MAN1A1: variants seen among roughly 807,000 people sequenced by gnomAD.
The protein encoded by MAN1A1 is mannosyl-oligosaccharide 1,2-alpha-mannosidase IA.
Under a neutral mutation model 70.8 loss-of-function variants are expected in MAN1A1, and 29 were observed. The observed-to-expected ratio is 0.41, with a 90% CI of 0.31 to 0.56. MAN1A1 has a LOEUF of 0.56. Ranked by LOEUF, MAN1A1 falls within the 20% of genes least tolerant of loss-of-function variation. MAN1A1 has a pLI of 0.29. For missense variants in MAN1A1, 747 were observed against 841.3 expected (o/e 0.89, Z 1.39); for synonymous variants, 349 against 330.1 (o/e 1.06, Z -0.62).
In MAN1A1 at chr6:119,348,795, C is replaced by G. The variant is rs1342238133; in HGVS notation, c.271G>C (p.Gly91Arg). ...TCGGCCGCGTCCTCGGCGCGCGCCCCGGGCCCGGGCTTGTGGTCGGCGGCC... is the reference window on the plus strand; with the variant it reads ...TCGGCCGCGTCCTCGGCGCGCGCCCGGGGCCCGGGCTTGTGGTCGGCGGCC... ...QPAADHKPGP[G>R]ARAEDAAEGR... The change falls in exon 2 of 13, where the codon GGG (glycine) becomes CGG (arginine). Residue 91 changes from glycine (G) to arginine (R), a missense_variant. Coordinates refer to ENST00000368468, the MANE Select transcript of MAN1A1 (RefSeq NM_005907.4). 5.6e-6 allele frequency: 8 copies of G among 1,423,178 alleles called. No homozygotes were observed. Among genetic ancestry groups the G allele is most frequent in the African/African-American group, 3.0e-5 (2 of 67,488 alleles). The allele number at this position is 1,423,178 out of a possible 1,614,324, so 88.2% of individuals were successfully genotyped here.
chr6:119,320,108 G>A (rs1772966626), intron 2 of MAN1A1, among the ~76,000 whole-genome samples: 2 of 152,024 alleles, frequency 1.3e-5, no homozygotes, highest in Non-Finnish European at 2.9e-5. Flanking sequence ...CAAGTGGCTG[G>A]GACTACAGGC....
At position 119,184,728 on chromosome 6, in the gene MAN1A1, C is replaced by A. The variant is rs569271422; in HGVS notation, c.1719+3677G>T. On this transcript the variant is annotated intron_variant, in intron 11 of 12. Transcript: ENST00000368468. ...CTACCAAAAAAAAACCCCCTAAAGC[C>A]AAAAAAAAATCCCAAATCCCTAGGT... 1.0e-4 allele frequency among the ~76,000 whole-genome samples: 15 copies of A among 150,470 alleles called. No homozygotes were observed. In the East Asian group the frequency reaches 1.6e-3, roughly 16 times the overall value.
intron 4 of MAN1A1, among the ~76,000 whole-genome samples, chr6:119,298,895 C>T (rs1312608044): frequency 1.3e-5 from 2 of 151,990 alleles, no homozygotes; most frequent in East Asian, 3.9e-4. Flanking sequence ...TGCGCCTGGC[C>T]AACTTTTTAA....
At chr6:119,218,125 G>C (rs1281481849) in intron 6 of MAN1A1, among the ~76,000 whole-genome samples, 1 of 152,134 alleles carries the variant, frequency 6.6e-6, no homozygotes, top group East Asian at 1.9e-4. Context: ...TATACATTAA[G>C]AAAACTTGCC....
At chr6:119,330,092 G>A (rs1773268693) in intron 2 of MAN1A1, among the ~76,000 whole-genome samples, 1 of 152,124 alleles carries the variant, frequency 6.6e-6, no homozygotes, top group Admixed American at 6.6e-5. Context: ...TGTTCCTTGG[G>A]CTTCTAAGCC....
Position 119,347,318 on chromosome 6 carries a change from TG to T in MAN1A1, c.603+1144del, listed in dbSNP as rs769350158. Among the ~76,000 whole-genome samples, 116 of 152,328 alleles carry T rather than the reference TG, an allele frequency of 7.6e-4. 1 individual carries two copies. The highest frequency in any genetic ancestry group is 1.1e-3 in the Non-Finnish European group (72 of 68,024). ...CAAAAATCTGTTTACTCTCTGAAAA[TG>T]GGATCAGGGACTTCCTCTCCTGATT... is the stretch of plus-strand genomic sequence containing the variant. On this transcript the variant is annotated intron_variant, in intron 2 of 12. Coordinates refer to ENST00000368468, the MANE Select transcript of MAN1A1 (RefSeq NM_005907.4).
intron 2 of MAN1A1, among the ~76,000 whole-genome samples, chr6:119,321,617 AT>A (rs386359347): frequency 1.2e-3 from 161 of 133,268 alleles, no homozygotes; most frequent in East Asian, 4.5e-3. Flanking sequence ...ATGGCCTGCA[AT>A]TTTTTTTTTT....
At chr6:119,332,012 T>C (rs775476158) in intron 2 of MAN1A1, 11 of 495,016 alleles carry the variant, frequency 2.2e-5, no homozygotes, top group African/African-American at 1.9e-4. Flanking sequence ...TTCCTATGTA[T>C]AAAATGAGGA....
At chr6:119,182,196 G>A (rs762661030) in intron 11 of MAN1A1, among the ~76,000 whole-genome samples, 1 of 152,020 alleles carries the variant, frequency 6.6e-6, no homozygotes, top group Non-Finnish European at 1.5e-5. Context: ...GTCTCTTCAG[G>A]TCCTTTGCCT....
At chr6:119,308,459 C>G (rs195093) in intron 2 of MAN1A1, among the ~76,000 whole-genome samples, 28,198 of 151,932 alleles carry the variant, frequency 0.19, 2,930 homozygotes, top group Middle Eastern at 0.31. Context: ...ATCCCTACAA[C>G]GCCACTGATG....
In MAN1A1 at chr6:119,276,942, A is replaced by G. The variant is rs12665223; in HGVS notation, c.897+13741T>C. ...AATGAAAAACAAAAGTGTTTAGAAT[A>G]AAGAGCCACGAAAAAAATTCTTCTG... On this transcript the variant is annotated intron_variant, in intron 5 of 12. Transcript: ENST00000368468. 9.2e-3 allele frequency among the ~76,000 whole-genome samples: 1,395 copies of G among 152,332 alleles called. 40 individuals are homozygous for G. The highest frequency in any genetic ancestry group is 0.031 in the East Asian group (159 of 5,190).
chr6:119,198,311 G>A (rs11752568), intron 8 of MAN1A1, among the ~76,000 whole-genome samples: 35,349 of 152,078 alleles, frequency 0.23, 5,424 homozygotes, highest in Non-Finnish European at 0.33. Flanking sequence ...AATTGCTTGA[G>A]CATGGGACAG....
intron 6 of MAN1A1, 92 bp downstream of exon 6, chr6:119,248,163 GTATCA>G: frequency 3.8e-6 from 3 of 779,876 alleles, no homozygotes; most frequent in South Asian, 3.6e-5. Flanking sequence ...TTAGTCACCA[GTATCA>G]TATAAGTAAT....
At chr6:119,202,805 T>C (rs763370787) in intron 7 of MAN1A1, among the ~76,000 whole-genome samples, 2 of 152,218 alleles carry the variant, frequency 1.3e-5, no homozygotes, top group Non-Finnish European at 1.5e-5. Context: ...CAGGAGATGA[T>C]AAATACTGTG....
At chr6:119,186,515 C>T (rs532856145) in intron 11 of MAN1A1, among the ~76,000 whole-genome samples, 1 of 152,296 alleles carries the variant, frequency 6.6e-6, no homozygotes, top group South Asian at 2.1e-4. Context: ...AACCATGTAG[C>T]ATGCATTCCA....
Position 119,189,719 on chromosome 6 carries a change from G to A in MAN1A1, c.1491C>T (p.Tyr497=). 6.2e-7 allele frequency: 1 copy of A among 1,614,012 alleles called. No homozygotes were observed. Among genetic ancestry groups the A allele is most frequent in the Non-Finnish European group, 8.5e-7 (1 of 1,180,000 alleles). The change falls in exon 10 of 13, where the codon TAC becomes TAT. Residue 497 remains tyrosine, a synonymous_variant. Transcript: ENST00000368468. ...DAAPEGMAQH[Y]LELGAEIART... ...GGGCAATTTCAGCCCCGAGTTCAAG[G>A]TAGTGTTGGGCCATGCCTTCGGGAG...
intron 3 of MAN1A1, among the ~76,000 whole-genome samples, chr6:119,303,899 C>T (rs1051863624): frequency 6.6e-6 from 1 of 152,196 alleles, no homozygotes; most frequent in African/African-American, 2.4e-5. Context: ...AGTAAGCCTG[C>T]CACTCCTAGC....
intron 8 of MAN1A1, among the ~76,000 whole-genome samples, chr6:119,195,628 C>T (rs771226915): frequency 1.3e-5 from 2 of 152,188 alleles, no homozygotes; most frequent in African/African-American, 2.4e-5. Context: ...AGAGACCAGA[C>T]CTATTATGTT....
intron 6 of MAN1A1, among the ~76,000 whole-genome samples, chr6:119,205,858 C>T (rs1773845289): frequency 1.3e-5 from 2 of 152,232 alleles, no homozygotes; most frequent in South Asian, 2.1e-4. Flanking sequence ...CATTGGGTTA[C>T]AAGCATGGTT....
Sources: gnomAD v4.1 joint callset for allele counts (sites outside exome capture counted in the v4.1 genomes callset) on GRCh38, gnomAD v4.1.1 for gene constraint, MANE v1.5 for transcripts, NCBI Gene and HGNC (gene_info 2026-07-23, HGNC 2026-07-21) for gene names.